The following KCNJ14 variants were observed in gnomAD, a reference collection of about 807,000 sequenced individuals.
KCNJ14 encodes the protein potassium inwardly rectifying channel subfamily J member 14, also known as ATP-sensitive inward rectifier potassium channel 14.
A neutral mutation model predicts 24.5 loss-of-function variants in KCNJ14; 18 were observed. The observed-to-expected ratio is 0.74, with a 90% CI of 0.51 to 1.09. KCNJ14 has a LOEUF of 1.09. Among genes scored for constraint, KCNJ14 ranks in the 50% least tolerant of loss-of-function variants. The probability of loss-of-function intolerance (pLI) is 0.00; values close to 1 mark genes in which losing one functional copy is unlikely to be tolerated. For missense variants in KCNJ14, 633 were observed against 623.0 expected, an observed-to-expected ratio of 1.02 and a Z score of -0.17; for synonymous variants, 288 against 270.8, an observed-to-expected ratio of 1.06 and a Z score of -0.63.
chr19:48,462,392 G>A lies in KCNJ14; in HGVS notation c.668G>A (p.Arg223His), dbSNP rs1011345315. ...CTCATGTGGCGCGTCGGCAACCTGCGCCGCAGCCACCTGGTCGAGGCCCAC... is the reference window on the plus strand; with the variant it reads ...CTCATGTGGCGCGTCGGCAACCTGCACCGCAGCCACCTGGTCGAGGCCCAC... ...LCLMWRVGNL[R>H]RSHLVEAHVR... Residue 223 changes from arginine (R) to histidine (H), a missense_variant, in exon 2 of 3, where the codon CGC becomes CAC. Physicochemically the swap from Arg to His is conservative, Grantham distance 29. Coordinates refer to ENST00000342291, the MANE Select transcript of KCNJ14 (RefSeq NM_013348.4). The surrounding 1 kb of genome is among the most constrained non-coding windows in gnomAD (Gnocchi z 4.9). 2.0e-6 allele frequency: 3 copies of A among 1,520,348 alleles called. No homozygotes were observed. The highest frequency in any genetic ancestry group is 1.4e-5 in the African/African-American group (1 of 72,406). The allele number at this position is 1,520,348 out of a possible 1,614,324, so 94.2% of individuals were successfully genotyped here.
At position 48,464,693 on chromosome 19, in the gene KCNJ14, G is replaced by A; in HGVS notation, c.1227G>A (p.Glu409=). 1.2e-6 allele frequency: 2 copies of A among 1,613,754 alleles called. No individual in the cohort carries two copies. The highest frequency in any genetic ancestry group is 1.7e-6 in the Non-Finnish European group (2 of 1,180,030). The part of the protein sequence containing the change: ...CQEEDEDDET[E]EGNGVETEDG... Reference sequence around the variant, plus strand: ...AGGAAGATGAGGACGATGAGACTGAGGAAGGGAATGGGGTGGAAACAGAAG... The same window carrying A: ...AGGAAGATGAGGACGATGAGACTGAAGAAGGGAATGGGGTGGAAACAGAAG... The change falls in exon 3 of 3, where the codon GAG becomes GAA. Residue 409 remains glutamate, a synonymous_variant. Coordinates refer to ENST00000342291, the MANE Select transcript of KCNJ14 (RefSeq NM_013348.4).
Position 48,462,434 on chromosome 19 carries a change from T to G in KCNJ14, c.710T>G (p.Leu237Arg). The part of the protein sequence containing the change: ...LVEAHVRAQL[L>R]QPRVTPEGEY... ...GAGGCCCACGTGCGTGCCCAGCTGC[T>G]GCAGGTGCGCCCGGGAGGAGAGGCG... The change falls in exon 2 of 3, where the codon CTG becomes CGG. Residue 237 changes from leucine (L) to arginine (R), a missense_variant. Coordinates refer to ENST00000342291, the MANE Select transcript of KCNJ14 (RefSeq NM_013348.4). The surrounding 1 kb of genome is among the most constrained non-coding windows in gnomAD (Gnocchi z 4.9). The G allele has an allele frequency of 4.1e-6, 6 of 1,471,334 alleles. No individual in the cohort carries two copies. The highest frequency in any genetic ancestry group is 5.4e-6 in the Non-Finnish European group (6 of 1,108,044). 91.1% of individuals were successfully genotyped at this position (1,471,334 alleles called of 1,614,324 possible). A position where few individuals can be genotyped will look rare whatever the true frequency, so the allele number is the denominator to read the frequency against.
At position 48,464,865 on chromosome 19, in the gene KCNJ14, G is replaced by C; in HGVS notation, c.*88G>C. ...GGGGCTCTCTCCTGGGATGGGGGCA[G>C]GTGTTCCTGAATACCGACAGGCCTG... On this transcript the variant is annotated 3_prime_UTR_variant, in exon 3 of 3. Transcript: ENST00000342291. 1.0e-6 allele frequency: 1 copy of C among 995,290 alleles called. No homozygotes were observed. Among genetic ancestry groups the C allele is most frequent in the Non-Finnish European group, 1.5e-6 (1 of 657,890 alleles). 61.7% of individuals were successfully genotyped at this position (995,290 alleles called of 1,614,324 possible).
intron 1 of KCNJ14, among the ~76,000 whole-genome samples, chr19:48,459,986 C>T (rs1022196687): frequency 1.3e-5 from 2 of 150,594 alleles, no homozygotes; most frequent in Non-Finnish European, 2.9e-5. Context: ...CGCTACTGCA[C>T]TCCAGTCTAG....
In KCNJ14 at chr19:48,462,192, C is replaced by G; in HGVS notation, c.468C>G (p.Thr156=). The stretch of plus-strand genomic sequence containing the variant: ...TCGGCTACGGCGTGCGCAGCGTCAC[C>G]GAGGAGTGCCCGGCCGCTGTGGCCG... ...TSIGYGVRSV[T]EECPAAVAAV... The change falls in exon 2 of 3, where the codon ACC becomes ACG. Residue 156 remains threonine (T), a synonymous_variant. Transcript: ENST00000342291. This position sits in a 1 kb window ranked among gnomAD's most constrained non-coding sequence, Gnocchi z 4.9. The G allele has an allele frequency of 1.3e-6, 2 of 1,559,582 alleles. No individual in the cohort carries two copies. The highest frequency in any genetic ancestry group is 1.7e-6 in the Non-Finnish European group (2 of 1,152,532).
chr19:48,461,853 A>G lies in KCNJ14; in HGVS notation c.129A>G (p.Ser43=). The G allele has an allele frequency of 1.3e-6, 2 of 1,545,748 alleles. No homozygotes were observed. The highest frequency in any genetic ancestry group is 8.7e-7 in the Non-Finnish European group (1 of 1,146,066). The change falls in exon 2 of 3, where the codon TCA becomes TCG. Residue 43 remains serine, a synonymous_variant. Coordinates refer to ENST00000342291, the MANE Select transcript of KCNJ14 (RefSeq NM_013348.4). ...GGTGGGCGCCGGCACCGGTGCAGTC[A>G]CCCGTGGGCCGGCGCCGCGGTCGCT... ...RNGWAPAPVQ[S]PVGRRRGRFV...
Position 48,462,264 on chromosome 19 carries a change from C to G in KCNJ14, c.540C>G (p.Val180=). 6.5e-7 allele frequency: 1 copy of G among 1,547,786 alleles called. No individual in the cohort carries two copies. Among genetic ancestry groups the G allele is most frequent in the Non-Finnish European group, 8.7e-7 (1 of 1,144,526 alleles). The part of the protein sequence containing the change: ...CIAGCVLDAF[V]VGAVMAKMAK... The stretch of plus-strand genomic sequence containing the variant: ...CCGGCTGCGTGCTCGACGCCTTCGT[C>G]GTGGGTGCTGTCATGGCCAAGATGG... The change falls in exon 2 of 3, where the codon GTC becomes GTG. Residue 180 remains valine, a synonymous_variant. Coordinates refer to ENST00000342291, the MANE Select transcript of KCNJ14 (RefSeq NM_013348.4). The surrounding 1 kb of genome is among the most constrained non-coding windows in gnomAD (Gnocchi z 4.9).
At chr19:48,459,167 G>T (rs897808855) in intron 1 of KCNJ14, among the ~76,000 whole-genome samples, 6 of 149,822 alleles carry the variant, frequency 4.0e-5, no homozygotes, top group Non-Finnish European at 1.5e-5. Context: ...GTGAACCCAG[G>T]AGGCGGAGCT....
intron 1 of KCNJ14, among the ~76,000 whole-genome samples, chr19:48,457,476 T>G (rs1279554011): frequency 1.3e-5 from 2 of 152,218 alleles, no homozygotes; most frequent in African/African-American, 4.8e-5. Context: ...CCTGGTCTTT[T>G]AAGAAGTCCC....
At chr19:48,456,886 G>C (rs1266495600) in intron 1 of KCNJ14, 1 of 151,418 alleles carries the variant, frequency 6.6e-6, no homozygotes, top group African/African-American at 2.4e-5. Flanking sequence ...ACAGGGTTTT[G>C]CTGTCTTCCC....
In KCNJ14 at chr19:48,462,623, T is replaced by A. The variant is rs778145210; in HGVS notation, c.714+185T>A. On this transcript the variant is annotated intron_variant, in intron 2 of 2. Transcript: ENST00000342291. The surrounding 1 kb of genome is among the most constrained non-coding windows in gnomAD (Gnocchi z 4.9). ...GGGATGTAAACCCAACAGAAAGGTA[T>A]GTGACCAGCTCTTCCTGGAGGCCTG... Among the ~76,000 whole-genome samples, 1 of 152,182 alleles carries A rather than the reference T, an allele frequency of 6.6e-6. No homozygotes were observed. Among genetic ancestry groups the A allele is most frequent in the Admixed American group, 6.5e-5 (1 of 15,280 alleles).
At position 48,462,404 on chromosome 19, in the gene KCNJ14, T is replaced by A. The variant is rs1971611893; in HGVS notation, c.680T>A (p.Leu227Gln). Residue 227 changes from leucine (L) to glutamine (Q), a missense_variant, in exon 2 of 3, where the codon CTG becomes CAG. Transcript: ENST00000342291. This position sits in a 1 kb window ranked among gnomAD's most constrained non-coding sequence, Gnocchi z 4.9. ...GTCGGCAACCTGCGCCGCAGCCACC[T>A]GGTCGAGGCCCACGTGCGTGCCCAG... is the stretch of plus-strand genomic sequence containing the variant. ...WRVGNLRRSH[L>Q]VEAHVRAQLL... The A allele has an allele frequency of 6.6e-7, 1 of 1,510,500 alleles. No individual in the cohort carries two copies. The highest frequency in any genetic ancestry group is 1.4e-5 in the African/African-American group (1 of 72,142). The allele number at this position is 1,510,500 out of a possible 1,614,324, so 93.6% of individuals were successfully genotyped here.
chr19:48,459,717 T>G (rs1031325480), intron 1 of KCNJ14, among the ~76,000 whole-genome samples: 1 of 152,074 alleles, frequency 6.6e-6, no homozygotes, highest in Non-Finnish European at 1.5e-5. Context: ...CTTGATAGTG[T>G]CTTTCGGAGC....
Position 48,462,219 on chromosome 19 carries a change from C to A in KCNJ14, c.495C>A (p.Ala165=). ...VTEECPAAVA[A]VVLQCIAGCV... is the part of the protein sequence containing the mutation. ...AGGAGTGCCCGGCCGCTGTGGCCGCCGTGGTGCTGCAGTGCATTGCCGGCT... is the reference window on the plus strand; with the variant it reads ...AGGAGTGCCCGGCCGCTGTGGCCGCAGTGGTGCTGCAGTGCATTGCCGGCT... The change falls in exon 2 of 3, where the codon GCC becomes GCA. Residue 165 remains alanine (A), a synonymous_variant. Coordinates refer to ENST00000342291, the MANE Select transcript of KCNJ14 (RefSeq NM_013348.4). This position sits in a 1 kb window ranked among gnomAD's most constrained non-coding sequence, Gnocchi z 4.9. 6.4e-7 allele frequency: 1 copy of A among 1,552,318 alleles called. No individual in the cohort carries two copies. The highest frequency in any genetic ancestry group is 8.7e-7 in the Non-Finnish European group (1 of 1,148,150).
chr19:48,462,081 C>G lies in KCNJ14; in HGVS notation c.357C>G (p.Ala119=), dbSNP rs1462065976. The G allele has an allele frequency of 6.2e-7, 1 of 1,605,654 alleles. No homozygotes were observed. The highest frequency in any genetic ancestry group is 8.5e-7 in the Non-Finnish European group (1 of 1,178,034). The change falls in exon 2 of 3, where the codon GCC becomes GCG. Residue 119 remains alanine, a synonymous_variant. Coordinates refer to ENST00000342291, the MANE Select transcript of KCNJ14 (RefSeq NM_013348.4). The surrounding 1 kb of genome is among the most constrained non-coding windows in gnomAD (Gnocchi z 4.9). The part of the protein sequence containing the change: ...WLIASLHGDL[A]APPPPAPCFS... ...TTGCCTCGCTGCACGGCGACCTGGC[C>G]GCCCCGCCACCGCCCGCGCCCTGCT... is the stretch of plus-strand genomic sequence containing the variant.
In KCNJ14 at chr19:48,461,908, C is replaced by T. The variant is rs370291546; in HGVS notation, c.184C>T (p.Arg62Cys). ...FVKKDGHCNV[R>C]FVNLGGQGAR... Reference sequence around the variant, plus strand: ...CAAGAAAGACGGGCACTGCAACGTGCGTTTCGTAAACCTGGGTGGCCAGGG... The same window carrying T: ...CAAGAAAGACGGGCACTGCAACGTGTGTTTCGTAAACCTGGGTGGCCAGGG... The change falls in exon 2 of 3, where the codon CGT (arginine) becomes TGT (cysteine). Residue 62 changes from arginine (R) to cysteine (C), a missense_variant. By Grantham distance (180) the Arg-to-Cys change is radical. Coordinates refer to ENST00000342291, the MANE Select transcript of KCNJ14 (RefSeq NM_013348.4). 4.0e-4 allele frequency: 640 copies of T among 1,606,404 alleles called. No individual in the cohort carries two copies. The highest frequency in any genetic ancestry group is 4.9e-4 in the Non-Finnish European group (581 of 1,175,820).
intron 2 of KCNJ14, 42 bp from the exon 3 acceptor site, chr19:48,464,139 C>T (rs1971629597): frequency 5.0e-6 from 7 of 1,393,718 alleles, no homozygotes; most frequent in Non-Finnish European, 7.1e-6. Flanking sequence ...CTGCCCGTCT[C>T]TGTGCTCCCT....
At position 48,461,714 on chromosome 19, in the gene KCNJ14, C is replaced by T; in HGVS notation, c.-11C>T. ...CCCCACTAGGCCAAGTGGAGGGGGT[C>T]CCTCCGTCCAATGGGCCTGGCCAGG... On this transcript the variant is annotated 5_prime_UTR_variant, in exon 2 of 3. Coordinates refer to ENST00000342291, the MANE Select transcript of KCNJ14 (RefSeq NM_013348.4). 2.2e-6 allele frequency: 3 copies of T among 1,394,266 alleles called. No individual in the cohort carries two copies. Among genetic ancestry groups the T allele is most frequent in the Non-Finnish European group, 2.8e-6 (3 of 1,080,192 alleles). 86.4% of individuals were successfully genotyped at this position (1,394,266 alleles called of 1,614,324 possible).
rs1416320243 is a variant in KCNJ14 at position 48,455,642 on chromosome 19, G to C, written c.-272G>C. The C allele has an allele frequency of 6.6e-6, 1 of 152,210 alleles. No homozygotes were observed. Among genetic ancestry groups the C allele is most frequent in the Non-Finnish European group, 1.5e-5 (1 of 68,052 alleles). 9.4% of individuals were successfully genotyped at this position (152,210 alleles called of 1,614,324 possible). A position where few individuals can be genotyped will look rare whatever the true frequency, so the allele number is the denominator to read the frequency against. ...GGCCCCCTGGTGAAGGTTCCCGTTG[G>C]CTTTGGGAAGTAGACAACGGGTCTG... is the stretch of plus-strand genomic sequence containing the variant. On this transcript the variant is annotated 5_prime_UTR_variant, in exon 1 of 3. Transcript: ENST00000342291.
Sources: allele counts gnomAD v4.1 joint callset (sites outside exome capture counted in the v4.1 genomes callset), GRCh38; gene constraint gnomAD v4.1.1; non-coding constraint Gnocchi (gnomAD v3.1); transcripts MANE v1.5; gene names NCBI Gene and HGNC (gene_info 2026-07-23, HGNC 2026-07-21).